The following NGLY1 variants were observed in gnomAD, a reference collection of about 807,000 sequenced individuals.
The protein encoded by NGLY1 is N-glycanase 1, also known as peptide-N(4)-(N-acetyl-beta-glucosaminyl)asparagine amidase.
Under a neutral mutation model 84.6 loss-of-function variants are expected in NGLY1, and 68 were observed. The ratio of observed to expected loss-of-function variants is 0.80; its 90% CI spans 0.66 to 0.98. The LOEUF (loss-of-function observed/expected upper bound fraction) is 0.98, where lower values mean the gene tolerates loss of function less well. NGLY1 is among the 50% of genes least tolerant of loss of function. The pLI is 0.00. For missense variants in NGLY1, 779 were observed against 770.2 expected (o/e 1.01, Z -0.14); for synonymous variants, 280 against 275.2 (o/e 1.02, Z -0.17).
chr3:25,789,092 A>G (rs1249921712), intron 1 of NGLY1, among the ~76,000 whole-genome samples: 4 of 152,254 alleles, frequency 2.6e-5, no homozygotes, highest in Non-Finnish European at 4.4e-5. Context: ...CGCCTGGGAT[A>G]GCATGTGAAA....
chr3:25,735,752 A>ATC, intron 7 of NGLY1: 2 of 321,452 alleles, frequency 6.2e-6, no homozygotes, highest in South Asian at 5.7e-5. Context: ...ATGGCAGCTT[A>ATC]ATTTGAAATT....
intron 4 of NGLY1, among the ~76,000 whole-genome samples, chr3:25,747,205 G>GC (rs1361040089): frequency 6.6e-6 from 1 of 152,074 alleles, no homozygotes; most frequent in African/African-American, 2.4e-5. Flanking sequence ...CCCCTGCAGG[G>GC]CCCAGCCCAA....
intron 4 of NGLY1, among the ~76,000 whole-genome samples, chr3:25,750,563 GAAC>G (rs1559543827): frequency 6.6e-6 from 1 of 151,854 alleles, no homozygotes; most frequent in Non-Finnish European, 1.5e-5. Context: ...GGTAATGGCT[GAAC>G]AACATTATGA....
intron 10 of NGLY1, among the ~76,000 whole-genome samples, chr3:25,726,045 T>C (rs762430667): frequency 1.3e-5 from 2 of 152,192 alleles, no homozygotes; most frequent in Non-Finnish European, 2.9e-5. Flanking sequence ...GAATGAATTC[T>C]TGACATAATG....
Position 25,761,226 on chromosome 3 carries a change from A to G in NGLY1, c.492+2840T>C, listed in dbSNP as rs577732139. Among the ~76,000 whole-genome samples the G allele has an allele frequency of 5.3e-5, 8 of 152,322 alleles. No homozygotes were observed. In the East Asian group the frequency reaches 1.5e-3, roughly 29 times the overall value. On this transcript the variant is annotated intron_variant, in intron 3 of 11. Coordinates refer to ENST00000280700, the MANE Select transcript of NGLY1 (RefSeq NM_018297.4). ...GCATACATTTAGATTAGCTGAGTAA[A>G]AAGTACTAAATGTATATTTTAAGCA...
Position 25,783,363 on chromosome 3 carries a change from A to AGGAGCTGCCCAATGCCGCC in NGLY1, c.9_27dup (p.Ser10GlyfsTer16). Reference sequence around the variant, plus strand: ...GCCACGGCCGGGGACGCCGAGCCTGAGGAGCTGCCCAATGCCGCCGCCGCC... The same window carrying AGGAGCTGCCCAATGCCGCC: ...GCCACGGCCGGGGACGCCGAGCCTGAGGAGCTGCCCAATGCCGCCGGAGCTGCCCAATGCCGCCGCCGCC... On this transcript the variant is annotated frameshift_variant, in exon 1 of 12. Coordinates refer to ENST00000280700, the MANE Select transcript of NGLY1 (RefSeq NM_018297.4). LOFTEE classifies it high-confidence loss of function. The surrounding 1 kb of genome is among the most constrained non-coding windows in gnomAD (Gnocchi z 4.5). 1 of 1,560,330 alleles carries AGGAGCTGCCCAATGCCGCC rather than the reference A, an allele frequency of 6.4e-7. No individual in the cohort carries two copies. Among genetic ancestry groups the AGGAGCTGCCCAATGCCGCC allele is most frequent in the Middle Eastern group, 2.1e-4 (1 of 4,778 alleles).
At chr3:25,749,656 C>A in intron 4 of NGLY1, 1 of 1,496,462 alleles carries the variant, frequency 6.7e-7, no homozygotes, top group Non-Finnish European at 9.2e-7. Flanking sequence ...TCTTGATGCC[C>A]AACATTAGTT....
At chr3:25,751,372 G>A in intron 3 of NGLY1, 109 bp from the exon 4 acceptor site, 1 of 869,356 alleles carries the variant, frequency 1.2e-6, no homozygotes, top group Non-Finnish European at 1.6e-6. Flanking sequence ...GGGAATGTAT[G>A]GATTCACTTA....
chr3:25,736,153 C>T lies in NGLY1; in HGVS notation c.1004-4G>A. On this transcript the variant is annotated splice_polypyrimidine_tract_variant and splice_region_variant and intron_variant, in intron 6 of 11. Coordinates refer to ENST00000280700, the MANE Select transcript of NGLY1 (RefSeq NM_018297.4). ...TAGACTTCTGTCCAGACATGGTCTA[C>T]TCAAGTAAGAGAAAAGAGAGCAATG... 1 of 1,609,976 alleles carries T rather than the reference C, an allele frequency of 6.2e-7. No homozygotes were observed. The highest frequency in any genetic ancestry group is 8.5e-7 in the Non-Finnish European group (1 of 1,178,508).
intron 10 of NGLY1, among the ~76,000 whole-genome samples, chr3:25,727,554 G>A (rs985789216): frequency 1.3e-5 from 2 of 152,114 alleles, no homozygotes; most frequent in South Asian, 4.1e-4. Flanking sequence ...CCACCTCACT[G>A]TTTCCATAGC....
At chr3:25,741,807 A>G (rs1393953694) in intron 4 of NGLY1, among the ~76,000 whole-genome samples, 2 of 152,042 alleles carry the variant, frequency 1.3e-5, no homozygotes, top group Admixed American at 6.5e-5. Flanking sequence ...CCTGCCCAAC[A>G]TGGTGAAACC....
At chr3:25,724,056 T>C (rs967147882) in intron 10 of NGLY1, among the ~76,000 whole-genome samples, 2 of 152,234 alleles carry the variant, frequency 1.3e-5, no homozygotes, top group African/African-American at 4.8e-5. Context: ...TGTCTTTAGG[T>C]TGTGGCTGTA....
intron 2 of NGLY1, among the ~76,000 whole-genome samples, chr3:25,768,229 C>T (rs1489249391): frequency 1.3e-5 from 2 of 151,024 alleles, no homozygotes; most frequent in Non-Finnish European, 1.5e-5. Flanking sequence ...TCAATACCAG[C>T]CTGGCCAACA....
At chr3:25,728,372 A>G (rs1287882604) in intron 10 of NGLY1, among the ~76,000 whole-genome samples, 1 of 152,098 alleles carries the variant, frequency 6.6e-6, no homozygotes, top group East Asian at 1.9e-4. Context: ...GTTCCCACTC[A>G]AGTATCTTGG....
intron 1 of NGLY1, among the ~76,000 whole-genome samples, chr3:25,779,721 A>C (rs1456346614): frequency 6.6e-6 from 1 of 152,254 alleles, no homozygotes; most frequent in Non-Finnish European, 1.5e-5. Context: ...AAATATTTTA[A>C]TTTTATAAGT....
chr3:25,769,619 C>T (rs1206935772), intron 2 of NGLY1, among the ~76,000 whole-genome samples: 2 of 151,840 alleles, frequency 1.3e-5, no homozygotes, highest in Non-Finnish European at 2.9e-5. Flanking sequence ...AGTATGTAAA[C>T]TAAGAAAAAG....
At chr3:25,758,571 C>A (rs529785628) in intron 3 of NGLY1, among the ~76,000 whole-genome samples, 1 of 152,226 alleles carries the variant, frequency 6.6e-6, no homozygotes, top group South Asian at 2.1e-4. Context: ...AAGTGAGACC[C>A]TGTCTCAAAA....
At chr3:25,747,493 T>G (rs577990393) in intron 4 of NGLY1, among the ~76,000 whole-genome samples, 2 of 152,216 alleles carry the variant, frequency 1.3e-5, no homozygotes, top group Non-Finnish European at 2.9e-5. Context: ...AGACAAAAAT[T>G]ACCAAAATAC....
chr3:25,783,223 A>AC lies in NGLY1; in HGVS notation c.131+36dup. ...CCGAACAAGGTGCCGCGGCCCACCC[A>AC]CCCCGGTACCCGCCGTCCGACCCCG... On this transcript the variant is annotated intron_variant, in intron 1 of 11. Coordinates refer to ENST00000280700, the MANE Select transcript of NGLY1 (RefSeq NM_018297.4). The surrounding 1 kb of genome is among the most constrained non-coding windows in gnomAD (Gnocchi z 4.5). 3 of 1,212,762 alleles carry AC rather than the reference A, an allele frequency of 2.5e-6. No homozygotes were observed. The highest frequency in any genetic ancestry group is 3.5e-6 in the Non-Finnish European group (3 of 845,786). 75.1% of individuals were successfully genotyped at this position (1,212,762 alleles called of 1,614,324 possible).
Sources: gnomAD v4.1 joint callset for allele counts (sites outside exome capture counted in the v4.1 genomes callset) on GRCh38, gnomAD v4.1.1 for gene constraint, Gnocchi (gnomAD v3.1) non-coding constraint, MANE v1.5 for transcripts, NCBI Gene and HGNC (gene_info 2026-07-23, HGNC 2026-07-21) for gene names.